Variants in SLC25A26 observed in about 807,000 individuals in gnomAD.
SLC25A26 encodes solute carrier family 25 member 26, also known as mitochondrial S-adenosylmethionine carrier protein.
A neutral mutation model predicts 37.8 loss-of-function variants in SLC25A26; 36 were observed. That is an observed-to-expected ratio of 0.95 (90% CI 0.73 to 1.26). The LOEUF (loss-of-function observed/expected upper bound fraction) is 1.26. SLC25A26 is among the 50% of genes most tolerant of loss of function. The probability of loss-of-function intolerance (pLI) is 0.00; values close to 1 mark genes in which losing one functional copy is unlikely to be tolerated. For missense variants in SLC25A26, 390 were observed against 331.1 expected, an observed-to-expected ratio of 1.18 and a Z score of -1.38; for synonymous variants, 129 against 122.5, an observed-to-expected ratio of 1.05 and a Z score of -0.35.
At chr3:66,272,739 C>G (rs918951388) in intron 5 of SLC25A26, among the ~76,000 whole-genome samples, 3 of 152,112 alleles carry the variant, frequency 2.0e-5, no homozygotes, top group Non-Finnish European at 4.4e-5. Context: ...CTGCTGCAAA[C>G]AGGGACAATT....
At chr3:66,222,427 C>T (rs534831313) in intron 1 of SLC25A26, among the ~76,000 whole-genome samples, 8 of 152,252 alleles carry the variant, frequency 5.3e-5, no homozygotes, top group East Asian at 1.9e-4. Context: ...TGATCCCGCC[C>T]GCCTCGGCCT....
At chr3:66,153,952 T>TGA (rs1200822366) in intron 1 of SLC25A26, among the ~76,000 whole-genome samples, 2 of 152,118 alleles carry the variant, frequency 1.3e-5, no homozygotes, top group East Asian at 1.9e-4. Context: ...GTCCGTAATG[T>TGA]GAGATGATAG....
At chr3:66,376,212 A>C (rs1271717953) in intron 9 of SLC25A26, among the ~76,000 whole-genome samples, 1 of 152,010 alleles carries the variant, frequency 6.6e-6, no homozygotes. Context: ...ACTCCTGGTG[A>C]AGATACGGTG....
upstream of SLC25A26, chr3:66,220,894 C>G (rs892942242): frequency 4.8e-6 from 3 of 627,648 alleles, no homozygotes; most frequent in Admixed American, 6.0e-5. Flanking sequence ...CCACCACACT[C>G]CCCGAGGCCC....
At chr3:66,226,913 T>A (rs1198405495) in intron 1 of SLC25A26, among the ~76,000 whole-genome samples, 1 of 152,200 alleles carries the variant, frequency 6.6e-6, no homozygotes, top group Non-Finnish European at 1.5e-5. Flanking sequence ...AAGCTGATGT[T>A]TATTTAGTAC....
intron 5 of SLC25A26, among the ~76,000 whole-genome samples, chr3:66,342,534 A>C (rs1428288153): frequency 6.6e-6 from 1 of 152,194 alleles, no homozygotes; most frequent in African/African-American, 2.4e-5. Context: ...CTGTTTATTG[A>C]AGGACCATTA....
chr3:66,211,494 G>C (rs1001797537), intron 1 of SLC25A26, among the ~76,000 whole-genome samples: 16 of 152,164 alleles, frequency 1.1e-4, no homozygotes, highest in African/African-American at 3.9e-4. Flanking sequence ...CTGGGGTCTT[G>C]CGGCTCTTAA....
At chr3:66,369,588 C>A in intron 8 of SLC25A26, 46 bp downstream of exon 8, 1 of 1,452,660 alleles carries the variant, frequency 6.9e-7, no homozygotes, top group Non-Finnish European at 9.5e-7. Flanking sequence ...ATGCTCATAT[C>A]TGTTAGCACT....
intron 5 of SLC25A26, among the ~76,000 whole-genome samples, chr3:66,283,907 C>T (rs1035532873): frequency 6.6e-6 from 1 of 152,012 alleles, no homozygotes; most frequent in African/African-American, 2.4e-5. Flanking sequence ...TTTAATGTTT[C>T]GATAATACTT....
chr3:66,246,331 G>A (rs2072838390), intron 3 of SLC25A26, among the ~76,000 whole-genome samples: 2 of 152,168 alleles, frequency 1.3e-5, no homozygotes, highest in Non-Finnish European at 2.9e-5. Flanking sequence ...TTGCCATGTT[G>A]AAGGGCAGGC....
At chr3:66,289,975 G>A in intron 5 of SLC25A26, among the ~76,000 whole-genome samples, 1 of 152,108 alleles carries the variant, frequency 6.6e-6, no homozygotes, top group South Asian at 2.1e-4. Flanking sequence ...CCATTTATTT[G>A]TGTGGTCTCT....
chr3:66,217,826 A>T (rs1261494106), upstream of SLC25A26, among the ~76,000 whole-genome samples: 3 of 152,212 alleles, frequency 2.0e-5, no homozygotes, highest in African/African-American at 7.2e-5. Context: ...CTGAGATTAC[A>T]GGTATGAGCC....
intron 2 of SLC25A26, among the ~76,000 whole-genome samples, chr3:66,240,247 A>G (rs2072509095): frequency 6.6e-6 from 1 of 152,224 alleles, no homozygotes; most frequent in Non-Finnish European, 1.5e-5. Flanking sequence ...ACAGTAGTAT[A>G]GTATGTGCTA....
intron 1 of SLC25A26, among the ~76,000 whole-genome samples, chr3:66,172,406 T>TGAAGA (rs2070512719): frequency 7.3e-5 from 1 of 13,732 alleles, no homozygotes; most frequent in Non-Finnish European, 1.5e-4. Context: ...GTGATACCTG[T>TGAAGA]AAAGAAAAAA....
intron 5 of SLC25A26, among the ~76,000 whole-genome samples, chr3:66,333,670 G>T (rs1458408251): frequency 6.6e-6 from 1 of 151,938 alleles, no homozygotes; most frequent in Non-Finnish European, 1.5e-5. Context: ...TCTGATTTTG[G>T]CCTCTAATGA....
At chr3:66,229,884 C>T (rs545490095) in intron 1 of SLC25A26, among the ~76,000 whole-genome samples, 4 of 152,064 alleles carry the variant, frequency 2.6e-5, no homozygotes, top group Admixed American at 6.5e-5. Context: ...ACTGAATGTA[C>T]ACAGTTCTTT....
At chr3:66,171,169 A>G (rs1055737114) in intron 1 of SLC25A26, among the ~76,000 whole-genome samples, 6 of 152,218 alleles carry the variant, frequency 3.9e-5, no homozygotes, top group Admixed American at 2.0e-4. Flanking sequence ...TATCCCCAAC[A>G]TGGTCTAATC....
At chr3:66,224,604 C>G (rs1016795930) in intron 1 of SLC25A26, among the ~76,000 whole-genome samples, 8 of 152,152 alleles carry the variant, frequency 5.3e-5, no homozygotes, top group Non-Finnish European at 5.9e-5. Flanking sequence ...TCATTCCACC[C>G]CTGGCCTCTC....
chr3:66,215,805 T>C (rs934427763), intron 1 of SLC25A26, among the ~76,000 whole-genome samples: 1 of 152,222 alleles, frequency 6.6e-6, no homozygotes, highest in Admixed American at 6.5e-5. Flanking sequence ...ATATTTTTAT[T>C]GAAAATGATT....
Sources: gnomAD v4.1 joint callset for allele counts (sites outside exome capture counted in the v4.1 genomes callset) on GRCh38, gnomAD v4.1.1 for gene constraint, MANE v1.5 for transcripts, NCBI Gene and HGNC (gene_info 2026-07-23, HGNC 2026-07-21) for gene names.